Variants in TRPV1 observed in about 807,000 individuals in gnomAD.
The protein encoded by TRPV1 is transient receptor potential cation channel subfamily V member 1.
TRPV1 carries 82 observed loss-of-function variants against 82.3 expected under a neutral mutation model. That is an observed-to-expected ratio of 1.00 (90% confidence interval 0.83 to 1.20). The LOEUF (loss-of-function observed/expected upper bound fraction) is 1.20. TRPV1 is among the 50% of genes most tolerant of loss of function. The pLI is 0.00. For missense variants in TRPV1, 1,067 were observed against 1,096.8 expected (o/e 0.97, Z 0.38); for synonymous variants, 515 against 467.7 (o/e 1.10, Z -1.30).
At chr17:3,582,655 G>A (rs1327559413) in intron 10 of TRPV1, among the ~76,000 whole-genome samples, 2 of 151,744 alleles carry the variant, frequency 1.3e-5, no homozygotes, top group Non-Finnish European at 2.9e-5. Context: ...TTGAGTTTCA[G>A]GTTAAAAATA....
chr17:3,581,691 C>G (rs2075013435), intron 10 of TRPV1, among the ~76,000 whole-genome samples: 1 of 149,854 alleles, frequency 6.7e-6, no homozygotes, highest in African/African-American at 2.4e-5. Flanking sequence ...CCGAGACCAT[C>G]CTGGTTAACA....
chr17:3,578,074 G>T (rs2074958214), intron 11 of TRPV1: 1 of 220,522 alleles, frequency 4.5e-6, no homozygotes, highest in African/African-American at 2.2e-5. Flanking sequence ...GGAGGCTGAG[G>T]CATGCGGAGC....
rs1406247885 is a variant in TRPV1 at position 3,577,742 on chromosome 17, C to T, written c.1569G>A (p.Met523Ile). 1 of 1,593,662 alleles carries T rather than the reference C, an allele frequency of 6.3e-7. No individual in the cohort carries two copies. The highest frequency in any genetic ancestry group is 2.3e-5 in the East Asian group (1 of 43,726). Residue 523 changes from methionine (M) to isoleucine (I), a missense_variant, in exon 12 of 17, where the codon ATG becomes ATA. Met to Ile is a conservative substitution (Grantham distance 10). Transcript: ENST00000572705. ...EMLFFLQSLF[M>I]LATVVLYFSH... ...TGAAGTACAGCACCACGGTGGCCAGCATGAACAGTGACTGCAGAAAGCTGC... is the reference window on the plus strand; with the variant it reads ...TGAAGTACAGCACCACGGTGGCCAGTATGAACAGTGACTGCAGAAAGCTGC...
chr17:3,570,703 T>C (rs2074840845), intron 16 of TRPV1, among the ~76,000 whole-genome samples: 1 of 152,136 alleles, frequency 6.6e-6, no homozygotes, highest in Non-Finnish European at 1.5e-5. Flanking sequence ...GTAATTTTTC[T>C]CAGGGTTTTT....
At chr17:3,572,500 C>G (rs1458466154) in intron 14 of TRPV1, among the ~76,000 whole-genome samples, 1 of 152,140 alleles carries the variant, frequency 6.6e-6, no homozygotes, top group African/African-American at 2.4e-5. Context: ...GCAGGGCAGC[C>G]CCGGGAGTGA....
chr17:3,569,292 TG>T (rs1165092939), intron 16 of TRPV1, among the ~76,000 whole-genome samples: 2 of 151,636 alleles, frequency 1.3e-5, no homozygotes, highest in African/African-American at 4.8e-5. Flanking sequence ...CCGGGTATAG[TG>T]GCAGGCGCCT....
At chr17:3,606,244 G>A (rs1183532151) in intron 2 of TRPV1, among the ~76,000 whole-genome samples, 4 of 152,216 alleles carry the variant, frequency 2.6e-5, no homozygotes, top group Admixed American at 2.6e-4. Flanking sequence ...TTACAGGTGT[G>A]AGGCACTGCA....
At chr17:3,571,835 AC>A (rs2074858041) in intron 15 of TRPV1, among the ~76,000 whole-genome samples, 196 bp from the exon 16 acceptor site, 3 of 152,064 alleles carry the variant, frequency 2.0e-5, no homozygotes, top group Admixed American at 2.0e-4. Context: ...GCCCAGGGGG[AC>A]TTCACATATT....
At position 3,591,076 on chromosome 17, in the gene TRPV1, G is replaced by A. The variant is rs779857869; in HGVS notation, c.492C>T (p.Leu164=). The A allele has an allele frequency of 8.7e-6, 14 of 1,613,116 alleles. No individual in the cohort carries two copies. Among genetic ancestry groups the A allele is most frequent in the Admixed American group, 3.3e-5 (2 of 59,850 alleles). ...TGKTCLLKAM[L]NLHDGQNTTI... ...TGGTGTTCTGTCCGTCGTGCAGGTT[G>A]AGCATGGCTTTCAGCAGACAGGTCT... Residue 164 remains leucine, a synonymous_variant, in exon 5 of 17, where the codon CTC becomes CTT. Coordinates refer to ENST00000572705, the MANE Select transcript of TRPV1 (RefSeq NM_080704.4).
intron 16 of TRPV1, among the ~76,000 whole-genome samples, chr17:3,567,379 AAAAAAAAAAAAAG>A: frequency 6.6e-6 from 1 of 150,982 alleles, no homozygotes; most frequent in South Asian, 2.1e-4. Context: ...CAAAAAAAAA[AAAAAAAAAAAAAG>A]AAGAAGAAGA....
chr17:3,571,441 G>C (rs936190833), intron 16 of TRPV1, 83 bp downstream of exon 16: 109 of 1,123,390 alleles, frequency 9.7e-5, no homozygotes, highest in Non-Finnish European at 1.3e-4. Context: ...ACCCGGCAAG[G>C]CGTGGGGAAC....
Position 3,583,335 on chromosome 17 carries a change from T to C in TRPV1, c.1476+3A>G. 1 of 1,605,650 alleles carries C rather than the reference T, an allele frequency of 6.2e-7. No homozygotes were observed. The highest frequency in any genetic ancestry group is 8.5e-7 in the Non-Finnish European group (1 of 1,175,822). ...AACTCACAATGTGGGAAGGAACGCTTACCCCTCGGAAAAAGAAGTAGACTC... is the reference window on the plus strand; with the variant it reads ...AACTCACAATGTGGGAAGGAACGCTCACCCCTCGGAAAAAGAAGTAGACTC... On this transcript the variant is annotated splice_donor_region_variant and intron_variant, in intron 10 of 16. Coordinates refer to ENST00000572705, the MANE Select transcript of TRPV1 (RefSeq NM_080704.4).
intron 16 of TRPV1, among the ~76,000 whole-genome samples, chr17:3,570,372 GAAAA>G (rs71153372): frequency 2.2e-4 from 29 of 133,112 alleles, no homozygotes; most frequent in African/African-American, 7.3e-4. Context: ...TCCATCTCAG[GAAAA>G]AAAAAAAAAA....
chr17:3,607,726 G>A (rs2075306019), intron 2 of TRPV1, among the ~76,000 whole-genome samples: 1 of 151,440 alleles, frequency 6.6e-6, no homozygotes, highest in African/African-American at 2.4e-5. Flanking sequence ...TAGTAGAGAC[G>A]AGTTTTCACC....
chr17:3,596,735 C>T (rs2075223173), intron 2 of TRPV1, among the ~76,000 whole-genome samples: 2 of 152,210 alleles, frequency 1.3e-5, no homozygotes. Flanking sequence ...CTCACGACCA[C>T]CTTTGAGGCA....
At chr17:3,586,164 G>A (rs1162564859) in intron 8 of TRPV1, among the ~76,000 whole-genome samples, 1 of 152,240 alleles carries the variant, frequency 6.6e-6, no homozygotes, top group Non-Finnish European at 1.5e-5. Context: ...TGCAGTGAAT[G>A]GGGTGAAACT....
chr17:3,575,550 A>G (rs1597517022), intron 13 of TRPV1, among the ~76,000 whole-genome samples: 1 of 152,186 alleles, frequency 6.6e-6, no homozygotes, highest in East Asian at 1.9e-4. Context: ...AAGACTCATC[A>G]ACGGATGCTA....
chr17:3,571,739 T>C (rs889658532), intron 15 of TRPV1, 100 bp from the exon 16 acceptor site: 1 of 919,264 alleles, frequency 1.1e-6, no homozygotes, highest in African/African-American at 1.6e-5. Context: ...CCCATCAGGA[T>C]GGAGATGTGG....
rs546611725 is a variant in TRPV1 at position 3,579,489 on chromosome 17, A to G, written c.1547+968T>C. ...CACATCCACAATGTTCTATTTATTT[A>G]TTTAGAGATGGAATCTCGCTCTGTT... On this transcript the variant is annotated intron_variant, in intron 11 of 16. Transcript: ENST00000572705. Among the ~76,000 whole-genome samples, 121 of 152,110 alleles carry G rather than the reference A, an allele frequency of 8.0e-4. 2 individuals are homozygous for G. The highest frequency in any genetic ancestry group is 7.8e-3 in the Admixed American group (119 of 15,258).
Sources: gnomAD v4.1 joint callset for allele counts (sites outside exome capture counted in the v4.1 genomes callset) on GRCh38, gnomAD v4.1.1 for gene constraint, MANE v1.5 for transcripts, NCBI Gene and HGNC (gene_info 2026-07-23, HGNC 2026-07-21) for gene names.